The following GPR157 variants were observed in gnomAD, a reference collection of about 807,000 sequenced individuals.
GPR157 encodes the protein G-protein coupled receptor 157.
In GPR157, 16 loss-of-function variants were observed where a neutral mutation model predicts 23.5. The ratio of observed to expected loss-of-function variants is 0.68; its 90% CI spans 0.46 to 1.04. The LOEUF is 1.04. Among genes scored for constraint, GPR157 ranks in the 50% least tolerant of loss-of-function variants. The probability of loss-of-function intolerance (pLI) is 0.00; values close to 1 mark genes in which losing one functional copy is unlikely to be tolerated. For missense variants in GPR157, 440 were observed against 460.7 expected (o/e 0.96, Z 0.41); for synonymous variants, 200 against 221.5 (o/e 0.90, Z 0.86).
rs1638782147 is a variant in GPR157 at position 9,120,813 on chromosome 1, A to G, written c.383+7832T>C. Among the ~76,000 whole-genome samples the G allele has an allele frequency of 6.6e-6, 1 of 152,228 alleles. No individual in the cohort carries two copies. The highest frequency in any genetic ancestry group is 6.5e-5 in the Admixed American group (1 of 15,280). ...CGCTCTGCCATGAGCTTCCTGCTGC[A>G]CACAGGGACACAGCGCTGCCACCTT... On this transcript the variant is annotated intron_variant, in intron 1 of 3. Coordinates refer to ENST00000377411, the MANE Select transcript of GPR157 (RefSeq NM_024980.5). This position sits in a 1 kb window ranked among gnomAD's most constrained non-coding sequence, Gnocchi z 4.1.
intron 1 of GPR157, among the ~76,000 whole-genome samples, chr1:9,112,555 C>T (rs150813571): frequency 3.2e-4 from 49 of 152,286 alleles, no homozygotes; most frequent in African/African-American, 1.1e-3. Flanking sequence ...TGGGTTCAAG[C>T]GATTCTCCTG....
At chr1:9,112,673 G>C (rs1332298168) in intron 1 of GPR157, among the ~76,000 whole-genome samples, 1 of 152,138 alleles carries the variant, frequency 6.6e-6, no homozygotes, top group East Asian at 1.9e-4. Flanking sequence ...GCCTGGTCTT[G>C]AACTCCCGAC....
chr1:9,122,197 C>T (rs952055036), intron 1 of GPR157, among the ~76,000 whole-genome samples: 2 of 152,264 alleles, frequency 1.3e-5, no homozygotes, highest in Non-Finnish European at 2.9e-5. Flanking sequence ...CTCAGGTGGG[C>T]GTGGTAAACA....
Position 9,128,599 on chromosome 1 carries a change from G to T in GPR157, c.383+46C>A. 1 of 1,576,094 alleles carries T rather than the reference G, an allele frequency of 6.3e-7. No homozygotes were observed. Reference sequence around the variant, plus strand: ...TGGGAGGGCAAGACCGGGAGGGGTCGGCCTGTGTCGGGGGCTCCTGGAAAA... The same window carrying T: ...TGGGAGGGCAAGACCGGGAGGGGTCTGCCTGTGTCGGGGGCTCCTGGAAAA... On this transcript the variant is annotated intron_variant, in intron 1 of 3. Coordinates refer to ENST00000377411, the MANE Select transcript of GPR157 (RefSeq NM_024980.5). This position sits in a 1 kb window ranked among gnomAD's most constrained non-coding sequence, Gnocchi z 6.3.
chr1:9,123,157 G>A (rs1230920521), intron 1 of GPR157, among the ~76,000 whole-genome samples: 1 of 106,844 alleles, frequency 9.4e-6, no homozygotes, highest in African/African-American at 4.2e-5. Context: ...AAACTGTCTT[G>A]GGTGGGAAAA....
intron 1 of GPR157, among the ~76,000 whole-genome samples, chr1:9,115,419 C>G (rs1638614377): frequency 6.6e-6 from 1 of 152,136 alleles, no homozygotes; most frequent in Non-Finnish European, 1.5e-5. Context: ...CCTGTGGATG[C>G]AATCAGCAAA....
chr1:9,123,746 T>TATTTAATATTATATATATTTAATATTAAA (rs1638901807), intron 1 of GPR157, among the ~76,000 whole-genome samples: 1 of 118,068 alleles, frequency 8.5e-6, no homozygotes, highest in African/African-American at 3.1e-5. Context: ...ATATTTAATA[T>TATTTAATATTATATATATTTAATATTAAA]TATATATTTA....
At chr1:9,123,163 G>GAAA (rs1553175750) in intron 1 of GPR157, among the ~76,000 whole-genome samples, 2 of 87,572 alleles carry the variant, frequency 2.3e-5, no homozygotes, top group Non-Finnish European at 4.4e-5. Context: ...TCTTGGGTGG[G>GAAA]AAAAAAAAAA....
rs1163753797 is a variant in GPR157, at chr1:9,123,180, T to A, written c.383+5465A>T. 1.9e-3 allele frequency among the ~76,000 whole-genome samples: 256 copies of A among 131,714 alleles called. 4 individuals carry two copies. The highest frequency in any genetic ancestry group is 4.8e-3 in the East Asian group (23 of 4,820). The allele number at this position is 131,714 out of a possible 152,430, so 86.4% of individuals were successfully genotyped here. The stretch of plus-strand genomic sequence containing the variant: ...TTGGGTGGGAAAAAAAAAAAATATA[T>A]ATATATATATATAAATAAAATTTAT... On this transcript the variant is annotated intron_variant, in intron 1 of 3. Transcript: ENST00000377411.
At position 9,104,146 on chromosome 1, in the gene GPR157, G is replaced by A; in HGVS notation, c.*273C>T. The stretch of plus-strand genomic sequence containing the variant: ...GTGGGGGCACTGTGGCCACAGCTGT[G>A]GGCCACCGGCTTCCCGAATCTCACT... On this transcript the variant is annotated 3_prime_UTR_variant, in exon 4 of 4. Transcript: ENST00000377411. The A allele has an allele frequency of 4.4e-6, 2 of 449,454 alleles. No homozygotes were observed. The highest frequency in any genetic ancestry group is 8.2e-6 in the Non-Finnish European group (2 of 244,014). 27.8% of individuals were successfully genotyped at this position (449,454 alleles called of 1,614,324 possible). A position where few individuals can be genotyped will look rare whatever the true frequency, so the allele number is the denominator to read the frequency against.
At chr1:9,124,788 C>T (rs1388708983) in intron 1 of GPR157, among the ~76,000 whole-genome samples, 1 of 152,188 alleles carries the variant, frequency 6.6e-6, no homozygotes, top group East Asian at 1.9e-4. Flanking sequence ...TGTTTTAAGG[C>T]TCTGTTAGAA....
At chr1:9,125,039 T>C (rs1194454516) in intron 1 of GPR157, among the ~76,000 whole-genome samples, 1 of 151,964 alleles carries the variant, frequency 6.6e-6, no homozygotes, top group East Asian at 1.9e-4. Flanking sequence ...TTCACTATCT[T>C]GTGTGTGTCT....
At chr1:9,107,557 G>A (rs1295131010) in intron 2 of GPR157, among the ~76,000 whole-genome samples, 1 of 151,972 alleles carries the variant, frequency 6.6e-6, no homozygotes. Flanking sequence ...GGCTGAGGCG[G>A]GCAGATTACT....
chr1:9,124,380 G>A (rs1052769673), intron 1 of GPR157, among the ~76,000 whole-genome samples: 104 of 152,168 alleles, frequency 6.8e-4, no homozygotes, highest in Non-Finnish European at 1.3e-3. Flanking sequence ...CTGCCAGAAT[G>A]AGCCAACAGC....
In GPR157 at chr1:9,105,412, T is replaced by G. The variant is rs1638267210; in HGVS notation, c.792+74A>C. 3 of 1,349,004 alleles carry G rather than the reference T, an allele frequency of 2.2e-6. No homozygotes were observed. Among genetic ancestry groups the G allele is most frequent in the Admixed American group, 2.4e-5 (1 of 41,814 alleles). The allele number at this position is 1,349,004 out of a possible 1,614,324, so 83.6% of individuals were successfully genotyped here. A position where few individuals can be genotyped will look rare whatever the true frequency, so the allele number is the denominator to read the frequency against. ...TTGGCCGACACTGGGGTGCAGCCAC[T>G]GTGCTGCGGGAAGGAATCAGGCTGT... On this transcript the variant is annotated intron_variant, in intron 3 of 3. Coordinates refer to ENST00000377411, the MANE Select transcript of GPR157 (RefSeq NM_024980.5). The surrounding 1 kb of genome is among the most constrained non-coding windows in gnomAD (Gnocchi z 4.8).
chr1:9,110,021 G>A (rs1405175514), intron 2 of GPR157, among the ~76,000 whole-genome samples: 2 of 152,100 alleles, frequency 1.3e-5, no homozygotes, highest in African/African-American at 4.8e-5. Flanking sequence ...ACTCACTCCA[G>A]CAAGCCTGCA....
rs555957933 is a variant in GPR157, at chr1:9,104,507, G to C, written c.920C>G (p.Pro307Arg). The C allele has an allele frequency of 2.5e-6, 4 of 1,613,890 alleles. No individual in the cohort carries two copies. The highest frequency in any genetic ancestry group is 2.7e-5 in the African/African-American group (2 of 74,992). ...CGCGGGAGCCTTGGGAGTGCCAGCC[G>C]GGCTCTTGGTGGGAGGCTGAGAAGA... ...CCSSQPPTKSPAGTPKAPAPS... is the reference protein window; with the variant it reads ...CCSSQPPTKSRAGTPKAPAPS... Residue 307 changes from proline (P) to arginine (R), a missense_variant, in exon 4 of 4, where the codon CCG becomes CGG. Coordinates refer to ENST00000377411, the MANE Select transcript of GPR157 (RefSeq NM_024980.5).
At chr1:9,111,537 C>G in intron 1 of GPR157, 48 bp from the exon 2 acceptor site, 1 of 1,514,242 alleles carries the variant, frequency 6.6e-7, no homozygotes, top group Non-Finnish European at 9.1e-7. Flanking sequence ...CCATGGCTCC[C>G]GGCAATGTCA....
At position 9,105,061 on chromosome 1, in the gene GPR157, A is replaced by G. The variant is rs1638257289; in HGVS notation, c.792+425T>C. 7.0e-6 allele frequency among the ~76,000 whole-genome samples: 1 copy of G among 143,498 alleles called. No individual in the cohort carries two copies. Among genetic ancestry groups the G allele is most frequent in the Non-Finnish European group, 1.5e-5 (1 of 65,644 alleles). The allele number at this position is 143,498 out of a possible 152,430, so 94.1% of individuals were successfully genotyped here. A position where few individuals can be genotyped will look rare whatever the true frequency, so the allele number is the denominator to read the frequency against. The stretch of plus-strand genomic sequence containing the variant: ...CACACACACACACACACACACACAC[A>G]CACACACATGCATACACACATGCAT... On this transcript the variant is annotated intron_variant, in intron 3 of 3. Transcript: ENST00000377411. This position sits in a 1 kb window ranked among gnomAD's most constrained non-coding sequence, Gnocchi z 4.8.
Sources: gnomAD v4.1 joint callset for allele counts (sites outside exome capture counted in the v4.1 genomes callset) on GRCh38, gnomAD v4.1.1 for gene constraint, Gnocchi (gnomAD v3.1) non-coding constraint, MANE v1.5 for transcripts, NCBI Gene and HGNC (gene_info 2026-07-23, HGNC 2026-07-21) for gene names.